The following PTRH1 variants were observed in gnomAD, a reference collection of about 807,000 sequenced individuals.
PTRH1 encodes peptidyl-tRNA hydrolase 1 homolog.
In PTRH1, 13 loss-of-function variants were observed where a neutral mutation model predicts 15.7. The ratio of observed to expected loss-of-function variants is 0.83; its 90% CI spans 0.54 to 1.31. PTRH1 has a LOEUF of 1.31. PTRH1 is among the 40% of genes most tolerant of loss of function. The pLI, the probability that PTRH1 is intolerant of heterozygous loss-of-function variation, is 0.00. For missense variants in PTRH1, 319 were observed against 296.2 expected, an observed-to-expected ratio of 1.08 and a Z score of -0.56; for synonymous variants, 139 against 136.7, an observed-to-expected ratio of 1.02 and a Z score of -0.12.
intron 1 of PTRH1, among the ~76,000 whole-genome samples, chr9:127,702,253 G>A (rs1167586726): frequency 1.3e-5 from 2 of 150,714 alleles, no homozygotes; most frequent in African/African-American, 2.4e-5. Flanking sequence ...GGCGCCTGTA[G>A]TCCCAGCTAC....
At chr9:127,713,106 T>C (rs374561061), downstream of PTRH1, 3 of 1,613,342 alleles carry the variant, frequency 1.9e-6, no homozygotes, top group African/African-American at 1.3e-5. Flanking sequence ...GATCTAGGCC[T>C]GGTACCTCGC....
downstream of PTRH1, chr9:127,713,175 T>G (rs1842808386): frequency 1.3e-6 from 2 of 1,576,488 alleles, no homozygotes; most frequent in Non-Finnish European, 1.7e-6. Context: ...ATCACCCGTG[T>G]GGGGACCTTC....
At chr9:127,700,374 GCTC>G (rs1447890457) in intron 1 of PTRH1, among the ~76,000 whole-genome samples, 1 of 152,064 alleles carries the variant, frequency 6.6e-6, no homozygotes, top group Non-Finnish European at 1.5e-5. Flanking sequence ...GCTGTTCCTG[GCTC>G]CTCCTTGTGC....
rs1393579060 is a variant in PTRH1, at chr9:127,715,313, G to A, written c.97-119C>T. 3 of 1,329,158 alleles carry A rather than the reference G, an allele frequency of 2.3e-6. No individual in the cohort carries two copies. Among genetic ancestry groups the A allele is most frequent in the Admixed American group, 2.0e-5 (1 of 50,730 alleles). The allele number at this position is 1,329,158 out of a possible 1,614,324, so 82.3% of individuals were successfully genotyped here. A position where few individuals can be genotyped will look rare whatever the true frequency, so the allele number is the denominator to read the frequency against. ...GCAGAGCAACGCTGCAGTGGGGAAG[G>A]GGCGCGAAGAAGGGGCCCAGAAACC... On this transcript the variant is annotated intron_variant, in intron 1 of 4. Transcript: ENST00000543175. This position sits in a 1 kb window ranked among gnomAD's most constrained non-coding sequence, Gnocchi z 5.8.
downstream of PTRH1, chr9:127,709,511 T>C (rs190047058): frequency 2.5e-5 from 41 of 1,614,116 alleles, no homozygotes. The surrounding 1 kb of genome is among the most constrained non-coding windows in gnomAD (Gnocchi z 4.7). Flanking sequence ...AAGGAGATTG[T>C]GGCCTTCCTC....
Position 127,714,660 on chromosome 9 carries a change from T to TCAG in PTRH1, c.358_359insCTG (p.His120delinsProAsp). Reference sequence around the variant, plus strand: ...CCCCAGGGGCTTGTCCAGCTCATCATGCACCAGGTAGACTTCCTCGGCAGT... The same window carrying TCAG: ...CCCCAGGGGCTTGTCCAGCTCATCATCAGGCACCAGGTAGACTTCCTCGGCAGT... On this transcript the variant is annotated protein_altering_variant, in exon 3 of 5. Transcript: ENST00000543175. The TCAG allele has an allele frequency of 6.2e-7, 1 of 1,613,930 alleles. No homozygotes were observed. The highest frequency in any genetic ancestry group is 2.2e-5 in the East Asian group (1 of 44,866).
At chr9:127,703,581 G>A (rs1469111376) in intron 1 of PTRH1, among the ~76,000 whole-genome samples, 1 of 152,220 alleles carries the variant, frequency 6.6e-6, no homozygotes, top group Non-Finnish European at 1.5e-5. Flanking sequence ...TTGAAGCTGT[G>A]ACAAAAGTGA....
intron 1 of PTRH1, among the ~76,000 whole-genome samples, chr9:127,699,506 C>G (rs1341723086): frequency 6.6e-6 from 1 of 152,100 alleles, no homozygotes; most frequent in African/African-American, 2.4e-5. Flanking sequence ...GGCGGGGGTT[C>G]CTGGAGTAAG....
downstream of PTRH1, chr9:127,712,602 C>T (rs750832430): frequency 5.1e-4 from 805 of 1,591,508 alleles, 2 homozygotes; most frequent in Non-Finnish European, 6.7e-4. Context: ...TATCCCACCA[C>T]AGACAGGGAA....
At chr9:127,694,801 C>G (rs1842541935) in intron 2 of PTRH1, 1 of 589,322 alleles carries the variant, frequency 1.7e-6, no homozygotes, top group Non-Finnish European at 3.0e-6. Flanking sequence ...TTGGAATTCC[C>G]TGCTCCTCCA....
At chr9:127,710,753 A>T, downstream of PTRH1, 1 of 1,562,962 alleles carries the variant, frequency 6.4e-7, no homozygotes. Context: ...GGACAAGGAC[A>T]GGTGGGCAAG....
rs746565177 is a variant in PTRH1, at chr9:127,714,636, C to T, written c.383G>A (p.Gly128Glu). Residue 128 changes from glycine (G) to glutamate (E), a missense_variant, in exon 3 of 5, where the codon GGG becomes GAG. Transcript: ENST00000543175. ...GCCCCCCAGCTTCAGAGCCAGTCTC[C>T]CCAGGGGCTTGTCCAGCTCATCATG... ...LVHDELDKPL[G>E]RLALKLGGSA... The T allele has an allele frequency of 1.9e-6, 3 of 1,614,030 alleles. No individual in the cohort carries two copies. The highest frequency in any genetic ancestry group is 2.5e-6 in the Non-Finnish European group (3 of 1,179,968).
intron 3 of PTRH1, 30 bp from the exon 4 acceptor site, chr9:127,714,454 G>C: frequency 6.2e-7 from 1 of 1,612,748 alleles, no homozygotes; most frequent in Non-Finnish European, 8.5e-7. Context: ...GGCAGTTAGT[G>C]CCTCCCTGGG....
chr9:127,706,847 G>A, intron 1 of PTRH1: 1 of 628,548 alleles, frequency 1.6e-6, no homozygotes, highest in Non-Finnish European at 2.6e-6. Flanking sequence ...TGGGACTCCT[G>A]GGCCTGGGGC....
chr9:127,695,113 C>T, exon 2 of PTRH1: 1 of 700,522 alleles, frequency 1.4e-6, no homozygotes, highest in Non-Finnish European at 2.6e-6. Flanking sequence ...GATGATGCTG[C>T]TGCTGTTGAC....
At chr9:127,706,619 A>G (rs1305191974) in intron 1 of PTRH1, among the ~76,000 whole-genome samples, 27 of 152,154 alleles carry the variant, frequency 1.8e-4, no homozygotes. Context: ...CCATGCCAGG[A>G]CACTGTCACC....
Position 127,695,085 on chromosome 9 carries a change from GAT to G in PTRH1, c.260_261del (p.His87ProfsTer57). On this transcript the variant is annotated frameshift_variant, in exon 2 of 3. Coordinates refer to the PTRH1 transcript ENST00000335223. LOFTEE classifies it high-confidence loss of function. ...TGATGATGATGATGATGATGATGATGATGATGATGGTGATGATGATGATGCTG... is the reference window on the plus strand; with the variant it reads ...TGATGATGATGATGATGATGATGATGGATGATGGTGATGATGATGATGCTG... The G allele has an allele frequency of 1.4e-6, 1 of 702,420 alleles. No homozygotes were observed. Among genetic ancestry groups the G allele is most frequent in the South Asian group, 1.5e-5 (1 of 67,546 alleles). 43.5% of individuals were successfully genotyped at this position (702,420 alleles called of 1,614,324 possible).
At chr9:127,711,960 GC>G (rs1405608753), downstream of PTRH1, 1 of 1,603,210 alleles carries the variant, frequency 6.2e-7, no homozygotes, top group East Asian at 2.2e-5. Flanking sequence ...AGTGCGTATG[GC>G]CCACGGAGGG....
intron 1 of PTRH1, among the ~76,000 whole-genome samples, chr9:127,700,321 G>A (rs1188729027): frequency 1.3e-5 from 2 of 152,054 alleles, no homozygotes; most frequent in Admixed American, 6.6e-5. Context: ...CACCCCTTAT[G>A]GGCAGCATCT....
Sources: gnomAD v4.1 joint callset for allele counts (sites outside exome capture counted in the v4.1 genomes callset) on GRCh38, gnomAD v4.1.1 for gene constraint, Gnocchi (gnomAD v3.1) non-coding constraint, MANE v1.5 for transcripts, NCBI Gene and HGNC (gene_info 2026-07-23, HGNC 2026-07-21) for gene names.